BAZ2B: variants seen among roughly 807,000 people sequenced by gnomAD.
BAZ2B encodes bromodomain adjacent to zinc finger domain 2B, also known as bromodomain adjacent to zinc finger domain protein 2B.
Under a neutral mutation model 246.0 loss-of-function variants are expected in BAZ2B, and 91 were observed. That is an observed-to-expected ratio of 0.37 (90% CI 0.31 to 0.44). The LOEUF (loss-of-function observed/expected upper bound fraction) is 0.44. BAZ2B is among the 20% of genes least tolerant of loss of function. BAZ2B has a pLI of 1.00. For missense variants in BAZ2B, 2,332 were observed against 2,533.7 expected (o/e 0.92, Z 1.71); for synonymous variants, 855 against 860.0 (o/e 0.99, Z 0.10).
At chr2:159,561,058 T>C (rs1375160572) in intron 1 of BAZ2B, among the ~76,000 whole-genome samples, 2 of 152,230 alleles carry the variant, frequency 1.3e-5, no homozygotes, top group Non-Finnish European at 2.9e-5. Context: ...GTGTCTATGC[T>C]GTCCAATATA....
At chr2:159,374,280 A>G (rs1161690438) in intron 26 of BAZ2B, among the ~76,000 whole-genome samples, 1 of 152,078 alleles carries the variant, frequency 6.6e-6, no homozygotes, top group Non-Finnish European at 1.5e-5. Flanking sequence ...CCACAAATAT[A>G]CAAATGTAAA....
At chr2:159,675,527 A>G in the BAZ2B span, among the ~76,000 whole-genome samples, 1 of 152,184 alleles carries the variant, frequency 6.6e-6, no homozygotes, top group African/African-American at 2.4e-5. Flanking sequence ...GTGAAACCAA[A>G]GAAAGACAAT....
chr2:159,478,597 A>G lies in BAZ2B; in HGVS notation c.123T>C (p.Leu41=), dbSNP rs375537325. 6.2e-7 allele frequency: 1 copy of G among 1,610,288 alleles called. No homozygotes were observed. Among genetic ancestry groups the G allele is most frequent in the African/African-American group, 1.3e-5 (1 of 74,718 alleles). Residue 41 remains leucine (L), a synonymous_variant, in exon 3 of 37, where the codon CTT becomes CTC. Transcript: ENST00000392783. ...CACCACATGGGTTGATTGTAGAGCT[A>G]AGTGAAGCAACTCCAGTGGAAAGGC... is the stretch of plus-strand genomic sequence containing the variant. ...KGGLSTGVAS[L]SSTINPCGHL... is the part of the protein sequence containing the mutation.
chr2:159,511,898 A>C (rs1340961408), intron 2 of BAZ2B, among the ~76,000 whole-genome samples: 2 of 152,202 alleles, frequency 1.3e-5, no homozygotes, highest in African/African-American at 4.8e-5. Flanking sequence ...ATACCTAAAG[A>C]AGTCTTTAAG....
At chr2:159,322,344 C>T (rs1346312726) in intron 36 of BAZ2B, among the ~76,000 whole-genome samples, 1 of 152,128 alleles carries the variant, frequency 6.6e-6, no homozygotes, top group Non-Finnish European at 1.5e-5. Flanking sequence ...ACTGTATTAT[C>T]GTCACTTCTA....
the BAZ2B span, among the ~76,000 whole-genome samples, chr2:159,687,518 G>C: frequency 6.6e-6 from 1 of 152,224 alleles, no homozygotes; most frequent in East Asian, 1.9e-4. Flanking sequence ...AGAGGTTCCA[G>C]GTTGAATGCA....
At chr2:159,467,662 T>C (rs774614583) in intron 3 of BAZ2B, among the ~76,000 whole-genome samples, 4 of 151,020 alleles carry the variant, frequency 2.6e-5, no homozygotes, top group Non-Finnish European at 5.9e-5. Flanking sequence ...AATTAAGTGA[T>C]TTATTTTGGG....
intron 13 of BAZ2B, among the ~76,000 whole-genome samples, chr2:159,425,829 G>T (rs55965009): frequency 0.33 from 50,390 of 151,902 alleles, 9,929 homozygotes; most frequent in Non-Finnish European, 0.47. Flanking sequence ...GGTTTTCAGA[G>T]AACATTCTTA....
chr2:159,581,591 T>G (rs1686789406), intron 1 of BAZ2B, among the ~76,000 whole-genome samples: 1 of 152,180 alleles, frequency 6.6e-6, no homozygotes, highest in South Asian at 2.1e-4. Context: ...CAAAGGATTA[T>G]AAATCATGCT....
chr2:159,690,362 T>C, the BAZ2B span: 74 of 170,636 alleles, frequency 4.3e-4, no homozygotes, highest in South Asian at 8.3e-4. Flanking sequence ...GGTATTTTTA[T>C]TGAGATTGTC....
At chr2:159,422,601 T>G (rs35141369) in intron 13 of BAZ2B, among the ~76,000 whole-genome samples, 59,180 of 151,874 alleles carry the variant, frequency 0.39, 12,333 homozygotes, top group Non-Finnish European at 0.49. Flanking sequence ...ACTCTACATG[T>G]ATTAAAGACT....
At chr2:159,527,208 T>A (rs943133822) in intron 2 of BAZ2B, among the ~76,000 whole-genome samples, 3 of 152,180 alleles carry the variant, frequency 2.0e-5, no homozygotes, top group African/African-American at 7.2e-5. Flanking sequence ...CTCTGACGGC[T>A]AGTGATGCTG....
chr2:159,549,617 C>CA (rs1055167337), intron 2 of BAZ2B, among the ~76,000 whole-genome samples: 3 of 151,638 alleles, frequency 2.0e-5, no homozygotes, highest in African/African-American at 4.8e-5. Context: ...ACAAAAATCA[C>CA]AAAAAAAATC....
Position 159,428,326 on chromosome 2 carries a change from G to A in BAZ2B, c.2349C>T (p.Tyr783=), listed in dbSNP as rs545941751. The A allele has an allele frequency of 5.7e-5, 92 of 1,612,348 alleles. No homozygotes were observed. Among genetic ancestry groups the A allele is most frequent in the Admixed American group, 8.3e-5 (5 of 59,888 alleles). Reference sequence around the variant, plus strand: ...AAGTATGTACCTTTATTACTTCAGGGTACTGCCTAAGTTTCTTTCCACATG... The same window carrying A: ...AAGTATGTACCTTTATTACTTCAGGATACTGCCTAAGTTTCTTTCCACATG... ...YAPCGKKLRQ[Y]PEVIKYLSRN... Residue 783 remains tyrosine, a synonymous_variant, in exon 12 of 37, where the codon TAC becomes TAT. Coordinates refer to ENST00000392783, the MANE Select transcript of BAZ2B (RefSeq NM_013450.4).
In BAZ2B at chr2:159,448,330, T is replaced by C; in HGVS notation, c.414A>G (p.Pro138=). Residue 138 remains proline, a synonymous_variant, in exon 5 of 37, where the codon CCA becomes CCG. Coordinates refer to ENST00000392783, the MANE Select transcript of BAZ2B (RefSeq NM_013450.4). ...GATTCTGGGCTGGGGGAGCAAATAGTGGTGGAATTCCCAGTAATGGTGGAA... is the reference window on the plus strand; with the variant it reads ...GATTCTGGGCTGGGGGAGCAAATAGCGGTGGAATTCCCAGTAATGGTGGAA... ...TFFPPLLGIP[P]LFAPPAQNHD... 3 of 1,613,458 alleles carry C rather than the reference T, an allele frequency of 1.9e-6. No homozygotes were observed. Among genetic ancestry groups the C allele is most frequent in the Non-Finnish European group, 1.7e-6 (2 of 1,179,830 alleles).
chr2:159,362,563 T>C (rs895686814), intron 27 of BAZ2B, among the ~76,000 whole-genome samples: 1 of 152,198 alleles, frequency 6.6e-6, no homozygotes, highest in East Asian at 1.9e-4. Flanking sequence ...TTTGCTGCTA[T>C]TAGCACCATG....
At chr2:159,546,858 A>T (rs1332104992) in intron 2 of BAZ2B, among the ~76,000 whole-genome samples, 1 of 152,148 alleles carries the variant, frequency 6.6e-6, no homozygotes, top group Non-Finnish European at 1.5e-5. Flanking sequence ...ACAAATCTGA[A>T]AGGCAGAAAT....
intron 13 of BAZ2B, among the ~76,000 whole-genome samples, chr2:159,421,201 G>T (rs2068685401): frequency 1.3e-5 from 2 of 151,082 alleles, no homozygotes; most frequent in East Asian, 1.9e-4. Flanking sequence ...TAGAGACAGG[G>T]TCTCAATCTG....
the BAZ2B span, among the ~76,000 whole-genome samples, chr2:159,676,949 T>G: frequency 1.9e-5 from 1 of 51,744 alleles, no homozygotes; most frequent in Non-Finnish European, 3.5e-5. Flanking sequence ...TAAAATAGTT[T>G]TGTTATATAT....
Sources: gnomAD v4.1 joint callset for allele counts (sites outside exome capture counted in the v4.1 genomes callset) on GRCh38, gnomAD v4.1.1 for gene constraint, MANE v1.5 for transcripts, NCBI Gene and HGNC (gene_info 2026-07-23, HGNC 2026-07-21) for gene names.